ELP4: variants seen among roughly 807,000 people sequenced by gnomAD.
The protein encoded by ELP4 is elongator complex protein 4.
ELP4 carries 51 observed loss-of-function variants against 48.9 expected under a neutral mutation model. That is an observed-to-expected ratio of 1.04 (90% CI 0.83 to 1.32). The LOEUF (loss-of-function observed/expected upper bound fraction) is 1.32, where lower values mean the gene tolerates loss of function less well. ELP4 is among the 40% of genes most tolerant of loss of function. The pLI is 0.00. For missense variants in ELP4, 519 were observed against 514.6 expected (o/e 1.01, Z -0.08); for synonymous variants, 210 against 189.2 (o/e 1.11, Z -0.90).
At chr11:31,521,398 A>G (rs980581476) in intron 2 of ELP4, among the ~76,000 whole-genome samples, 1 of 152,008 alleles carries the variant, frequency 6.6e-6, no homozygotes, top group Non-Finnish European at 1.5e-5. Flanking sequence ...TAGTTTTCCC[A>G]CTATTCCATA....
At chr11:31,564,442 C>G (rs1328034657) in intron 3 of ELP4, among the ~76,000 whole-genome samples, 6 of 150,936 alleles carry the variant, frequency 4.0e-5, no homozygotes, top group African/African-American at 1.5e-4. Context: ...AGGTTTGTTA[C>G]ATACATATAC....
intron 9 of ELP4, among the ~76,000 whole-genome samples, chr11:31,736,137 A>C (rs1033362419): frequency 2.0e-5 from 3 of 152,348 alleles, no homozygotes; most frequent in African/African-American, 4.8e-5. Flanking sequence ...GCTGTAGACC[A>C]ATGGAACAGA....
At chr11:31,651,024 T>A (rs1396873500) in intron 9 of ELP4, 1 of 151,628 alleles carries the variant, frequency 6.6e-6, no homozygotes, top group Non-Finnish European at 1.5e-5. Context: ...TCTTAACTGC[T>A]TGAAACCATA....
chr11:31,730,978 AAAAG>A (rs1242083715), intron 9 of ELP4, among the ~76,000 whole-genome samples: 1 of 152,170 alleles, frequency 6.6e-6, no homozygotes, highest in East Asian at 1.9e-4. Context: ...CTGAAAAAAA[AAAAG>A]AAGCCAGCAA....
At chr11:31,638,306 C>G (rs1385229456) in intron 7 of ELP4, among the ~76,000 whole-genome samples, 5 of 151,736 alleles carry the variant, frequency 3.3e-5, no homozygotes, top group Admixed American at 1.3e-4. Flanking sequence ...GTCTAGAGAA[C>G]AGTAGTTGGT....
At chr11:31,669,651 T>C (rs1054083251) in intron 9 of ELP4, among the ~76,000 whole-genome samples, 8 of 152,168 alleles carry the variant, frequency 5.3e-5, no homozygotes, top group Non-Finnish European at 8.8e-5. Flanking sequence ...TCCTCAGTCA[T>C]TCACCCACAG....
intron 1 of ELP4, among the ~76,000 whole-genome samples, chr11:31,518,580 C>G (rs1197261194): frequency 6.8e-6 from 1 of 147,070 alleles, no homozygotes; most frequent in African/African-American, 2.5e-5. Flanking sequence ...TCACGGCAAT[C>G]TTGCCTTCCA....
chr11:31,707,452 C>CT (rs1946657411), intron 9 of ELP4: 1 of 153,414 alleles, frequency 6.5e-6, no homozygotes, highest in African/African-American at 2.4e-5. Context: ...TATTATTTCC[C>CT]TTTATTCTAT....
intron 9 of ELP4, among the ~76,000 whole-genome samples, chr11:31,732,531 C>T (rs1373468417): frequency 2.7e-5 from 4 of 147,040 alleles, no homozygotes; most frequent in African/African-American, 5.0e-5. Context: ...AGACAGAAAA[C>T]AACAAAATGG....
intron 9 of ELP4, among the ~76,000 whole-genome samples, chr11:31,746,358 TACC>T (rs1305143303): frequency 6.6e-6 from 1 of 152,180 alleles, no homozygotes; most frequent in Non-Finnish European, 1.5e-5. Flanking sequence ...GAACTAGAAA[TACC>T]ATTTGACCCA....
chr11:31,580,266 A>G (rs1478265269), intron 3 of ELP4, among the ~76,000 whole-genome samples: 1 of 152,212 alleles, frequency 6.6e-6, no homozygotes, highest in Non-Finnish European at 1.5e-5. Flanking sequence ...TGGAAAAAGA[A>G]ACATTTGAAC....
chr11:31,725,843 A>T (rs1947064403), intron 9 of ELP4, among the ~76,000 whole-genome samples: 1 of 152,120 alleles, frequency 6.6e-6, no homozygotes, highest in African/African-American at 2.4e-5. Context: ...GTTGCCAGGG[A>T]TGGGTCCATC....
intron 1 of ELP4, among the ~76,000 whole-genome samples, chr11:31,516,191 G>A (rs964696046): frequency 6.6e-6 from 1 of 152,202 alleles, no homozygotes; most frequent in African/African-American, 2.4e-5. Flanking sequence ...AGATGTAAGT[G>A]TAACTCAGGA....
Position 31,650,101 on chromosome 11 carries a change from T to A in ELP4, c.1037-14T>A. The A allele has an allele frequency of 8.8e-7, 1 of 1,136,074 alleles. No individual in the cohort carries two copies. The highest frequency in any genetic ancestry group is 1.3e-6 in the Non-Finnish European group (1 of 765,010). 70.4% of individuals were successfully genotyped at this position (1,136,074 alleles called of 1,614,324 possible). ...TGTTTTAAATTTTTTTTCTTTTAAT[T>A]TCTTTTCCACAAGGATTGATTCATA... On this transcript the variant is annotated splice_polypyrimidine_tract_variant and intron_variant, in intron 8 of 9. Transcript: ENST00000640961.
chr11:31,698,793 G>A (rs984822605), intron 9 of ELP4, among the ~76,000 whole-genome samples: 2 of 152,004 alleles, frequency 1.3e-5, no homozygotes, highest in African/African-American at 4.8e-5. Flanking sequence ...ATACAGTTAT[G>A]GAAATGGAAT....
chr11:31,663,326 A>C (rs1027191166), intron 9 of ELP4: 2 of 152,012 alleles, frequency 1.3e-5, no homozygotes, highest in Non-Finnish European at 2.9e-5. Flanking sequence ...GCTTCATACA[A>C]TTTAAATATT....
intron 9 of ELP4, among the ~76,000 whole-genome samples, chr11:31,765,527 T>C (rs1033348523): frequency 6.6e-6 from 1 of 152,290 alleles, no homozygotes; most frequent in South Asian, 2.1e-4. Context: ...AAGCTGGATA[T>C]AATATGAGTA....
intron 9 of ELP4, among the ~76,000 whole-genome samples, chr11:31,691,826 A>G (rs1946287872): frequency 6.6e-6 from 1 of 152,182 alleles, no homozygotes; most frequent in Non-Finnish European, 1.5e-5. Context: ...CCCAGATGAC[A>G]CAAAGCTGGT....
At chr11:31,542,488 A>G (rs1379954575) in intron 3 of ELP4, among the ~76,000 whole-genome samples, 4 of 152,250 alleles carry the variant, frequency 2.6e-5, no homozygotes, top group Non-Finnish European at 5.9e-5. Context: ...CCCAGGGCCA[A>G]CAGTAATTCC....
Sources: gnomAD v4.1 joint callset for allele counts (sites outside exome capture counted in the v4.1 genomes callset) on GRCh38, gnomAD v4.1.1 for gene constraint, MANE v1.5 for transcripts, NCBI Gene and HGNC (gene_info 2026-07-23, HGNC 2026-07-21) for gene names.